LTBP1: variants seen among roughly 807,000 people sequenced by gnomAD.
LTBP1 encodes the protein latent transforming growth factor beta binding protein 1.
LTBP1 carries 129 observed loss-of-function variants against 207.6 expected under a neutral mutation model. That is an observed-to-expected ratio of 0.62 (90% CI 0.54 to 0.72). The LOEUF is 0.72. Among genes scored for constraint, LTBP1 ranks in the 30% least tolerant of loss-of-function variants. The pLI, the probability that LTBP1 is intolerant of heterozygous loss-of-function variation, is 0.00. For synonymous variants in LTBP1, 963 were observed against 833.7 expected, an observed-to-expected ratio of 1.16 and a Z score of -2.67; for missense variants, 2,281 against 2,217.2, an observed-to-expected ratio of 1.03 and a Z score of -0.58.
At chr2:32,950,592 G>C (rs1676953079) in intron 2 of LTBP1, among the ~76,000 whole-genome samples, 1 of 151,700 alleles carries the variant, frequency 6.6e-6, no homozygotes, top group Admixed American at 6.6e-5. Flanking sequence ...AGACATGGTG[G>C]TGCATGCCTG....
At chr2:33,278,373 C>G (rs2093490033) in intron 18 of LTBP1, among the ~76,000 whole-genome samples, 1 of 152,036 alleles carries the variant, frequency 6.6e-6, no homozygotes, top group African/African-American at 2.4e-5. Flanking sequence ...AAGAAGGAGC[C>G]AAGAAACGCG....
chr2:33,142,670 A>G (rs997281149), intron 5 of LTBP1, among the ~76,000 whole-genome samples: 1 of 152,164 alleles, frequency 6.6e-6, no homozygotes, highest in African/African-American at 2.4e-5. Flanking sequence ...GAGTGGTTGT[A>G]TAAGAACATA....
chr2:33,383,913 G>C (rs1294726092), intron 31 of LTBP1, among the ~76,000 whole-genome samples: 1 of 152,174 alleles, frequency 6.6e-6, no homozygotes, highest in Non-Finnish European at 1.5e-5. Flanking sequence ...TCAAACTTCA[G>C]AGCGTTGCAT....
intron 31 of LTBP1, among the ~76,000 whole-genome samples, chr2:33,374,720 A>G (rs997850674): frequency 6.6e-6 from 1 of 152,162 alleles, no homozygotes; most frequent in African/African-American, 2.4e-5. Flanking sequence ...TTGGGAGGCC[A>G]AGGTGGGCAG....
At chr2:32,961,092 G>A (rs1417508662) in intron 2 of LTBP1, among the ~76,000 whole-genome samples, 13 of 152,166 alleles carry the variant, frequency 8.5e-5, no homozygotes, top group Admixed American at 2.0e-4. Context: ...AATATCTTAC[G>A]TAGAAAATTC....
At chr2:33,142,766 G>A (rs947947662) in intron 5 of LTBP1, among the ~76,000 whole-genome samples, 1 of 152,186 alleles carries the variant, frequency 6.6e-6, no homozygotes, top group Non-Finnish European at 1.5e-5. Context: ...AAAGGCACAT[G>A]TGATAGATTG....
intron 2 of LTBP1, among the ~76,000 whole-genome samples, chr2:32,973,472 A>G (rs1377008075): frequency 6.6e-6 from 1 of 152,060 alleles, no homozygotes; most frequent in African/African-American, 2.4e-5. Context: ...CAGTAGGTAT[A>G]CATATTCCCA....
At chr2:33,099,762 C>T (rs946880053) in intron 3 of LTBP1, among the ~76,000 whole-genome samples, 3 of 152,130 alleles carry the variant, frequency 2.0e-5, no homozygotes, top group African/African-American at 4.8e-5. Context: ...CTTGGGTCCT[C>T]CTACCCATTG....
intron 3 of LTBP1, among the ~76,000 whole-genome samples, chr2:33,046,352 T>C (rs2076442753): frequency 1.3e-5 from 2 of 152,216 alleles, no homozygotes; most frequent in Non-Finnish European, 2.9e-5. Flanking sequence ...GAAGGCCTTT[T>C]CTGCATCTAT....
chr2:33,149,099 C>T (rs1307482306), intron 5 of LTBP1, among the ~76,000 whole-genome samples: 1 of 151,996 alleles, frequency 6.6e-6, no homozygotes, highest in Non-Finnish European at 1.5e-5. Context: ...CCTGCAGTCC[C>T]AGCTACTCTG....
At chr2:33,080,834 G>A (rs189265226) in intron 3 of LTBP1, among the ~76,000 whole-genome samples, 224 of 152,184 alleles carry the variant, frequency 1.5e-3, no homozygotes, top group African/African-American at 5.1e-3. Flanking sequence ...TATATCATGC[G>A]TATATACACA....
Position 33,273,729 on chromosome 2 carries a change from C to T in LTBP1, c.2691C>T (p.Thr897=). ...GCATTAACCTACCAGTGAGATATAC[C>T]TGTATATGCTACGAGGGCTACAGGT... ...GHCINLPVRY[T]CICYEGYRFS... The change falls in exon 16 of 34, where the codon ACC becomes ACT. Residue 897 remains threonine (T), a synonymous_variant. Coordinates refer to ENST00000404816, the MANE Select transcript of LTBP1 (RefSeq NM_206943.4). 6.2e-7 allele frequency: 1 copy of T among 1,611,862 alleles called. No individual in the cohort carries two copies. The highest frequency in any genetic ancestry group is 8.5e-7 in the Non-Finnish European group (1 of 1,178,746).
chr2:33,023,045 C>T (rs1171701029), intron 3 of LTBP1, among the ~76,000 whole-genome samples: 1 of 151,982 alleles, frequency 6.6e-6, no homozygotes, highest in East Asian at 1.9e-4. Flanking sequence ...TTTGTGTGTG[C>T]CAGAACATGA....
At chr2:33,206,511 C>T (rs978458220) in intron 7 of LTBP1, among the ~76,000 whole-genome samples, 7 of 151,970 alleles carry the variant, frequency 4.6e-5, no homozygotes, top group African/African-American at 9.7e-5. Flanking sequence ...GAGGCCGAGG[C>T]GGGCGGATCA....
intron 5 of LTBP1, among the ~76,000 whole-genome samples, chr2:33,180,403 T>C (rs566940497): frequency 1.1e-4 from 16 of 152,132 alleles, no homozygotes; most frequent in Admixed American, 5.9e-4. Context: ...TGGTGATGCA[T>C]ACCGAATGAA....
intron 5 of LTBP1, among the ~76,000 whole-genome samples, chr2:33,182,509 A>C (rs570402787): frequency 6.6e-6 from 1 of 151,326 alleles, no homozygotes; most frequent in East Asian, 1.9e-4. Context: ...AAAAATACAA[A>C]AAATTAGCCA....
intron 31 of LTBP1, among the ~76,000 whole-genome samples, chr2:33,384,001 G>C (rs2095244433): frequency 6.6e-6 from 1 of 152,196 alleles, no homozygotes. Context: ...ATTTGCCTCA[G>C]TCAGAACTAA....
At chr2:33,170,091 AT>A (rs754532971) in intron 5 of LTBP1, among the ~76,000 whole-genome samples, 1 of 152,184 alleles carries the variant, frequency 6.6e-6, no homozygotes, top group Non-Finnish European at 1.5e-5. Flanking sequence ...AAGACGGGTG[AT>A]TTCTGCATTT....
At chr2:33,382,966 C>G (rs1443137757) in intron 31 of LTBP1, among the ~76,000 whole-genome samples, 1 of 152,228 alleles carries the variant, frequency 6.6e-6, no homozygotes, top group Non-Finnish European at 1.5e-5. Context: ...CCAAGGAGGT[C>G]TCTCTTCCAC....
Sources: gnomAD v4.1 joint callset for allele counts (sites outside exome capture counted in the v4.1 genomes callset) on GRCh38, gnomAD v4.1.1 for gene constraint, MANE v1.5 for transcripts, NCBI Gene and HGNC (gene_info 2026-07-23, HGNC 2026-07-21) for gene names.